Variants in KCNAB1 observed in about 807,000 individuals in gnomAD.
The protein encoded by KCNAB1 is voltage-gated potassium channel subunit beta-1.
Under a neutral mutation model 64.6 loss-of-function variants are expected in KCNAB1, and 35 were observed. The ratio of observed to expected loss-of-function variants is 0.54; its 90% CI spans 0.41 to 0.72. KCNAB1 has a LOEUF of 0.72. KCNAB1 is among the 30% of genes least tolerant of loss of function. KCNAB1 has a pLI of 0.00. For synonymous variants in KCNAB1, 177 were observed against 183.8 expected, an observed-to-expected ratio of 0.96 and a Z score of 0.30; for missense variants, 401 against 512.9, an observed-to-expected ratio of 0.78 and a Z score of 2.11.
intron 1 of KCNAB1, among the ~76,000 whole-genome samples, chr3:156,129,522 A>G (rs1041106373): frequency 2.0e-5 from 3 of 152,230 alleles, no homozygotes; most frequent in African/African-American, 7.2e-5. Flanking sequence ...AAGCTCTGAT[A>G]TCAGGCTGAC....
chr3:156,535,081 A>G (rs1718963692), intron 13 of KCNAB1, among the ~76,000 whole-genome samples: 1 of 152,210 alleles, frequency 6.6e-6, no homozygotes, highest in Non-Finnish European at 1.5e-5. Flanking sequence ...CTCATTTTAA[A>G]TAACACATTA....
At chr3:156,234,613 A>G (rs1716745116) in intron 1 of KCNAB1, among the ~76,000 whole-genome samples, 1 of 152,132 alleles carries the variant, frequency 6.6e-6, no homozygotes, top group Non-Finnish European at 1.5e-5. Context: ...GATGGAAGAC[A>G]AGGTGTGAAG....
chr3:156,350,222 A>G (rs1318136052), intron 1 of KCNAB1, among the ~76,000 whole-genome samples: 5 of 152,206 alleles, frequency 3.3e-5, no homozygotes, highest in Non-Finnish European at 5.9e-5. Context: ...AACATGTCAG[A>G]TAAATGAGAT....
intron 1 of KCNAB1, among the ~76,000 whole-genome samples, chr3:156,132,775 C>A (rs1714080771): frequency 6.6e-6 from 1 of 152,112 alleles, no homozygotes; most frequent in Non-Finnish European, 1.5e-5. Context: ...TATAATGTAC[C>A]TCCAGGATTC....
chr3:156,461,038 T>G (rs1712867206), intron 5 of KCNAB1, among the ~76,000 whole-genome samples: 1 of 152,224 alleles, frequency 6.6e-6, no homozygotes, highest in Non-Finnish European at 1.5e-5. Flanking sequence ...AGGATGTTAA[T>G]AGAAAACTAT....
At chr3:156,479,955 G>A (rs917106568) in intron 8 of KCNAB1, among the ~76,000 whole-genome samples, 3 of 152,034 alleles carry the variant, frequency 2.0e-5, no homozygotes, top group East Asian at 1.9e-4. Context: ...GTGAAAGCAG[G>A]CATCTATGGA....
At chr3:156,463,443 T>A (rs1713089059) in intron 5 of KCNAB1, among the ~76,000 whole-genome samples, 1 of 152,200 alleles carries the variant, frequency 6.6e-6, no homozygotes. Context: ...ATCTGACTTG[T>A]TATCACTGCC....
chr3:156,418,988 G>A (rs116734244), intron 1 of KCNAB1, among the ~76,000 whole-genome samples: 2,092 of 152,232 alleles, frequency 0.014, 23 homozygotes, highest in South Asian at 0.036. Flanking sequence ...CATCTTGGGC[G>A]TTTAAACAGC....
intron 1 of KCNAB1, among the ~76,000 whole-genome samples, chr3:156,230,575 CAATT>C (rs1025433075): frequency 2.6e-5 from 4 of 151,860 alleles, no homozygotes; most frequent in East Asian, 1.9e-4. Context: ...GGGTATAAAA[CAATT>C]AATAAAGACA....
chr3:156,383,988 G>A (rs952089743), intron 1 of KCNAB1, among the ~76,000 whole-genome samples: 1 of 152,174 alleles, frequency 6.6e-6, no homozygotes, highest in Admixed American at 6.5e-5. Flanking sequence ...CATTTGAAGG[G>A]TGTTTAGTAC....
At chr3:156,445,911 G>A (rs575979211) in intron 2 of KCNAB1, 2 of 152,250 alleles carry the variant, frequency 1.3e-5, no homozygotes, top group East Asian at 3.9e-4. Flanking sequence ...GGAAGCTCAA[G>A]GTTCCTAATT....
chr3:156,140,022 C>T (rs1274631613), intron 1 of KCNAB1, among the ~76,000 whole-genome samples: 2 of 152,136 alleles, frequency 1.3e-5, no homozygotes, highest in East Asian at 3.9e-4. Flanking sequence ...GTTTCAATTT[C>T]CTTTCATTTT....
intron 1 of KCNAB1, among the ~76,000 whole-genome samples, chr3:156,273,073 A>C (rs1719126100): frequency 6.6e-6 from 1 of 151,380 alleles, no homozygotes; most frequent in Non-Finnish European, 1.5e-5. Context: ...GGCCGAGCTG[A>C]TACCCTAGTT....
At chr3:156,479,944 T>A (rs1714667993) in intron 8 of KCNAB1, among the ~76,000 whole-genome samples, 2 of 152,246 alleles carry the variant, frequency 1.3e-5, no homozygotes, top group Admixed American at 1.3e-4. Context: ...AGTGTTGTCA[T>A]GTGAAAGCAG....
chr3:156,357,629 AGTAGCT>A (rs908648131), intron 1 of KCNAB1, among the ~76,000 whole-genome samples: 2 of 152,148 alleles, frequency 1.3e-5, no homozygotes, highest in African/African-American at 4.8e-5. Flanking sequence ...TAAGTTTTCT[AGTAGCT>A]GTATTTAAAA....
intron 1 of KCNAB1, among the ~76,000 whole-genome samples, chr3:156,249,571 GAAAA>G (rs1194385998): frequency 1.5e-5 from 2 of 134,350 alleles, no homozygotes; most frequent in East Asian, 4.4e-4. Flanking sequence ...AAAAAAAAAA[GAAAA>G]AAAAGAAAAA....
At chr3:156,152,327 A>G (rs1050886571) in intron 1 of KCNAB1, among the ~76,000 whole-genome samples, 1 of 152,280 alleles carries the variant, frequency 6.6e-6, no homozygotes, top group African/African-American at 2.4e-5. Flanking sequence ...TTACCTCAGG[A>G]TTGTCTAGCC....
At chr3:156,327,911 A>C (rs763829160) in intron 1 of KCNAB1, among the ~76,000 whole-genome samples, 3 of 152,090 alleles carry the variant, frequency 2.0e-5, no homozygotes, top group Non-Finnish European at 2.9e-5. Flanking sequence ...GTGCTCACCC[A>C]GCATTTGTTT....
At chr3:156,228,726 C>A (rs1408296449) in intron 1 of KCNAB1, among the ~76,000 whole-genome samples, 1 of 152,186 alleles carries the variant, frequency 6.6e-6, no homozygotes, top group Admixed American at 6.5e-5. Context: ...AGGTTGGAGT[C>A]AATGGGGGAT....
Sources: gnomAD v4.1 joint callset for allele counts (sites outside exome capture counted in the v4.1 genomes callset) on GRCh38, gnomAD v4.1.1 for gene constraint, MANE v1.5 for transcripts, NCBI Gene and HGNC (gene_info 2026-07-23, HGNC 2026-07-21) for gene names.